MGAT5: variants seen among roughly 807,000 people sequenced by gnomAD.
The protein encoded by MGAT5 is alpha-1,6-mannosylglycoprotein 6-beta-N-acetylglucosaminyltransferase, also known as alpha-1,6-mannosylglycoprotein 6-beta-N-acetylglucosaminyltransferase A.
A neutral mutation model predicts 94.3 loss-of-function variants in MGAT5; 30 were observed. That is an observed-to-expected ratio of 0.32 (90% confidence interval 0.24 to 0.43). The LOEUF is 0.43. Among genes scored for constraint, MGAT5 ranks in the 20% least tolerant of loss-of-function variants. The pLI is 1.00. For missense variants in MGAT5, 691 were observed against 905.5 expected (o/e 0.76, Z 3.04); for synonymous variants, 310 against 322.9 (o/e 0.96, Z 0.43).
intron 13 of MGAT5, among the ~76,000 whole-genome samples, chr2:134,425,423 G>GT (rs936412698): frequency 2.0e-5 from 3 of 151,712 alleles, no homozygotes; most frequent in Admixed American, 6.6e-5. Context: ...TGTGTGGTTG[G>GT]TTTTTTTGTT....
At chr2:134,244,417 G>T (rs1195571083) in intron 1 of MGAT5, among the ~76,000 whole-genome samples, 2 of 152,088 alleles carry the variant, frequency 1.3e-5, no homozygotes, top group Non-Finnish European at 2.9e-5. Flanking sequence ...CAGAGGCCCA[G>T]TGCCTTAATA....
intron 11 of MGAT5, among the ~76,000 whole-genome samples, chr2:134,409,290 A>G (rs1239810543): frequency 6.6e-6 from 1 of 152,154 alleles, no homozygotes; most frequent in Non-Finnish European, 1.5e-5. Flanking sequence ...TGTTTTACCC[A>G]TTTTACACAT....
At chr2:134,141,822 G>A (rs1439606599) in intron 1 of MGAT5, among the ~76,000 whole-genome samples, 1 of 152,256 alleles carries the variant, frequency 6.6e-6, no homozygotes, top group Non-Finnish European at 1.5e-5. Context: ...CAGAGCAGGA[G>A]CTGCTGGGGA....
chr2:134,165,434 T>A (rs1196164426), intron 1 of MGAT5, among the ~76,000 whole-genome samples: 1 of 151,908 alleles, frequency 6.6e-6, no homozygotes, highest in East Asian at 1.9e-4. Context: ...GGAAGGGAAG[T>A]TTTTTTTAGA....
At chr2:134,142,945 T>C (rs190508099) in intron 1 of MGAT5, among the ~76,000 whole-genome samples, 2 of 151,542 alleles carry the variant, frequency 1.3e-5, no homozygotes, top group Non-Finnish European at 2.9e-5. Flanking sequence ...TCAAGAGTGA[T>C]AGAATTGCTC....
upstream of MGAT5, among the ~76,000 whole-genome samples, chr2:134,251,848 T>C (rs140378266): frequency 2.3e-3 from 352 of 152,250 alleles, 1 homozygote; most frequent in African/African-American, 7.1e-3. Flanking sequence ...CCAGAACTTA[T>C]TCCTCCTAAA....
intron 1 of MGAT5, 36 bp from the exon 2 acceptor site, chr2:134,270,350 A>G (rs1475181383): frequency 6.2e-7 from 1 of 1,602,332 alleles, no homozygotes; most frequent in Non-Finnish European, 8.5e-7. Context: ...TGTAGAGGCC[A>G]TAGAATTTTA....
chr2:134,292,444 G>A (rs1001469982), intron 2 of MGAT5, among the ~76,000 whole-genome samples: 4 of 152,116 alleles, frequency 2.6e-5, no homozygotes, highest in South Asian at 2.1e-4. Flanking sequence ...TCTTCAATCC[G>A]ACAGGGTGCA....
chr2:134,348,875 T>C (rs1679172787), intron 8 of MGAT5, among the ~76,000 whole-genome samples: 1 of 152,336 alleles, frequency 6.6e-6, no homozygotes, highest in African/African-American at 2.4e-5. Flanking sequence ...TCGTGCACTC[T>C]AGAGCAGTGG....
intron 4 of MGAT5, among the ~76,000 whole-genome samples, chr2:134,328,479 T>C (rs1291988751): frequency 6.6e-6 from 1 of 152,108 alleles, no homozygotes; most frequent in Non-Finnish European, 1.5e-5. Context: ...AGATAAAGTC[T>C]GCTTTGCCTC....
At chr2:134,328,347 G>C (rs899219290) in intron 4 of MGAT5, among the ~76,000 whole-genome samples, 1 of 152,002 alleles carries the variant, frequency 6.6e-6, no homozygotes, top group South Asian at 2.1e-4. Flanking sequence ...TTGTCAGGGG[G>C]CAGCAGTACA....
intron 1 of MGAT5, among the ~76,000 whole-genome samples, chr2:134,156,117 T>C (rs1222961714): frequency 6.6e-6 from 1 of 152,206 alleles, no homozygotes; most frequent in Non-Finnish European, 1.5e-5. Flanking sequence ...TACTGCTCCC[T>C]AACTGTGAGA....
intron 1 of MGAT5, among the ~76,000 whole-genome samples, chr2:134,192,237 T>G (rs1459820770): frequency 2.0e-5 from 3 of 152,130 alleles, no homozygotes; most frequent in African/African-American, 7.2e-5. Context: ...AAAGGGTGGG[T>G]TTGGCTCCCT....
At chr2:134,279,298 G>A (rs1250232345) in intron 2 of MGAT5, among the ~76,000 whole-genome samples, 2 of 152,046 alleles carry the variant, frequency 1.3e-5, no homozygotes, top group Non-Finnish European at 2.9e-5. Context: ...AAATTGTTAA[G>A]ACCGGAAGAG....
chr2:134,254,717 A>G lies in MGAT5; in HGVS notation c.241+73A>G, dbSNP rs1224795765. On this transcript the variant is annotated intron_variant, in intron 1 of 15. Coordinates refer to ENST00000281923, the MANE Select transcript of MGAT5 (RefSeq NM_002410.5). The stretch of plus-strand genomic sequence containing the variant: ...GAAATGGCCCTAGAAGCTCCCAGAT[A>G]TGGTCTTGTCATGGACTGAATGTCC... The G allele has an allele frequency of 4.4e-6, 7 of 1,575,948 alleles. No individual in the cohort carries two copies. The Admixed American group carries it at 5.2e-5, about 12-fold the overall frequency.
At chr2:134,355,855 T>C (rs1386016413) in intron 9 of MGAT5, among the ~76,000 whole-genome samples, 1 of 152,170 alleles carries the variant, frequency 6.6e-6, no homozygotes, top group East Asian at 1.9e-4. Flanking sequence ...AGTTGATGGC[T>C]GAAAGTAGCA....
intron 9 of MGAT5, among the ~76,000 whole-genome samples, chr2:134,357,249 T>C (rs1232239676): frequency 2.6e-5 from 4 of 152,232 alleles, no homozygotes; most frequent in Non-Finnish European, 1.5e-5. Flanking sequence ...AGTGGCCTCA[T>C]CTTACTTTCT....
At position 134,452,847 on chromosome 2, in the gene MGAT5, C is replaced by T. The variant is rs528436813; in HGVS notation, c.*4000C>T. 2.0e-5 allele frequency: 3 copies of T among 152,332 alleles called. No homozygotes were observed. The highest frequency in any genetic ancestry group is 2.9e-5 in the Non-Finnish European group (2 of 68,032). The allele number at this position is 152,332 out of a possible 1,614,324, so 9.4% of individuals were successfully genotyped here. ...TGCAGAGCATCTTCATGTGAGTAGACGGATGGACATAAATAGATTCATGCT... is the reference window on the plus strand; with the variant it reads ...TGCAGAGCATCTTCATGTGAGTAGATGGATGGACATAAATAGATTCATGCT... On this transcript the variant is annotated 3_prime_UTR_variant, in exon 16 of 16. Coordinates refer to ENST00000281923, the MANE Select transcript of MGAT5 (RefSeq NM_002410.5).
intron 2 of MGAT5, among the ~76,000 whole-genome samples, chr2:134,311,598 A>T (rs931166061): frequency 5.3e-5 from 8 of 152,112 alleles, no homozygotes; most frequent in East Asian, 1.9e-4. Context: ...CTCGCCTAGG[A>T]ACAGGTAGTT....
Sources: allele counts gnomAD v4.1 joint callset (sites outside exome capture counted in the v4.1 genomes callset), GRCh38; gene constraint gnomAD v4.1.1; transcripts MANE v1.5; gene names NCBI Gene and HGNC (gene_info 2026-07-23, HGNC 2026-07-21).